ATAD3B: variants seen among roughly 807,000 people sequenced by gnomAD.
ATAD3B encodes ATPase family AAA domain-containing protein 3B.
Under a neutral mutation model 70.2 loss-of-function variants are expected in ATAD3B, and 59 were observed. The observed-to-expected ratio is 0.84, with a 90% CI of 0.68 to 1.04. The LOEUF (loss-of-function observed/expected upper bound fraction) is 1.04. ATAD3B is among the 50% of genes least tolerant of loss of function. The pLI is 0.00. For synonymous variants in ATAD3B, 423 were observed against 388.6 expected (o/e 1.09, Z -1.04); for missense variants, 961 against 913.4 (o/e 1.05, Z -0.67).
Position 1,489,987 on chromosome 1 carries a change from C to T in ATAD3B, c.1338-270C>T, listed in dbSNP as rs1217382679. 11 of 1,313,098 alleles carry T rather than the reference C, an allele frequency of 8.4e-6. No individual in the cohort carries two copies. The South Asian group carries it at 1.5e-4, about 18-fold the overall frequency. The allele number at this position is 1,313,098 out of a possible 1,614,324, so 81.3% of individuals were successfully genotyped here. ...GGAGGGAGTGGTGTTCCCGGCACTG[C>T]CTATCAGGCTGGGCGAGGGTCAGCG... On this transcript the variant is annotated intron_variant, in intron 13 of 15. Transcript: ENST00000673477.
rs566186657 is a variant in ATAD3B at position 1,496,005 on chromosome 1, G to C, written c.*188G>C. 1.5e-4 allele frequency: 198 copies of C among 1,350,714 alleles called. 7 individuals are homozygous for C. Among genetic ancestry groups the C allele is most frequent in the Non-Finnish European group, 1.7e-4 (181 of 1,052,858 alleles). 83.7% of individuals were successfully genotyped at this position (1,350,714 alleles called of 1,614,324 possible). A position where few individuals can be genotyped will look rare whatever the true frequency, so the allele number is the denominator to read the frequency against. ...TGGGGCAGGCGGGGTCTTTGTTCTC[G>C]GCTCCCACAGCAGAGCCAGGTGAGG... On this transcript the variant is annotated 3_prime_UTR_variant, in exon 16 of 16. Coordinates refer to ENST00000673477, the MANE Select transcript of ATAD3B (RefSeq NM_031921.6).
intron 2 of ATAD3B, among the ~76,000 whole-genome samples, chr1:1,477,730 C>T (rs953392740): frequency 8.9e-5 from 13 of 145,726 alleles, no homozygotes; most frequent in African/African-American, 2.7e-4. Flanking sequence ...TATTTTGAAA[C>T]GGAGTCTCAC....
In ATAD3B at chr1:1,478,121, C is replaced by T. The variant is rs186163574; in HGVS notation, c.283-523C>T. ...GGTTCAACCTCCTGCCTCAGCCTTCCGAGCAGCTGGGACTACAGGAGCCTG... is the reference window on the plus strand; with the variant it reads ...GGTTCAACCTCCTGCCTCAGCCTTCTGAGCAGCTGGGACTACAGGAGCCTG... On this transcript the variant is annotated intron_variant, in intron 2 of 15. Transcript: ENST00000673477. 169 of 210,014 alleles carry T rather than the reference C, an allele frequency of 8.0e-4. 3 individuals carry two copies. Among genetic ancestry groups the T allele is most frequent in the Non-Finnish European group, 1.1e-3 (109 of 102,442 alleles). The allele number at this position is 210,014 out of a possible 1,614,324, so 13.0% of individuals were successfully genotyped here.
At chr1:1,486,046 C>A in intron 9 of ATAD3B, 64 bp from the exon 10 acceptor site, 1 of 1,609,954 alleles carries the variant, frequency 6.2e-7, no homozygotes, top group Non-Finnish European at 8.5e-7. Flanking sequence ...ATTCCCGCAG[C>A]CCCTGTCACC....
downstream of ATAD3B, among the ~76,000 whole-genome samples, chr1:1,502,633 T>C (rs1478545086): frequency 2.0e-5 from 3 of 148,396 alleles, no homozygotes; most frequent in East Asian, 6.3e-4. Flanking sequence ...AGCCTCAGCC[T>C]CCCAAGTAGC....
intron 1 of ATAD3B, among the ~76,000 whole-genome samples, chr1:1,476,182 C>T (rs1356403843): frequency 6.8e-6 from 1 of 146,418 alleles, no homozygotes; most frequent in Non-Finnish European, 1.5e-5. Flanking sequence ...GCTACCAAGG[C>T]GCTTCCTGAA....
At chr1:1,503,566 G>C in the ATAD3B span, 1 of 1,605,268 alleles carries the variant, frequency 6.2e-7, no homozygotes, top group Middle Eastern at 1.8e-4. Context: ...CCCGCCCTCT[G>C]TGCCCCTGTG....
At chr1:1,492,294 C>G (rs1416591953) in intron 15 of ATAD3B, among the ~76,000 whole-genome samples, 1 of 151,816 alleles carries the variant, frequency 6.6e-6, no homozygotes, top group Non-Finnish European at 1.5e-5. Context: ...CAAGACCACC[C>G]TGGCCAACAT....
Position 1,486,250 on chromosome 1 carries a change from C to G in ATAD3B, c.1089+15C>G. Reference sequence around the variant, plus strand: ...TGTTTGCCAAGGTGAGAGCGCCTGGCTGAACAGGTGGGCCAGGGGCCGCTG... The same window carrying G: ...TGTTTGCCAAGGTGAGAGCGCCTGGGTGAACAGGTGGGCCAGGGGCCGCTG... On this transcript the variant is annotated intron_variant, in intron 10 of 15. Transcript: ENST00000673477. 6.2e-7 allele frequency: 1 copy of G among 1,612,636 alleles called. No homozygotes were observed. The highest frequency in any genetic ancestry group is 1.1e-5 in the South Asian group (1 of 91,014).
intron 7 of ATAD3B, chr1:1,483,020 G>T (rs749804147): frequency 8.7e-6 from 4 of 457,746 alleles, no homozygotes; most frequent in African/African-American, 2.0e-5. Context: ...ATGGCCAGGC[G>T]GTAGTGGCTC....
chr1:1,487,707 C>T (rs186532722), intron 11 of ATAD3B, among the ~76,000 whole-genome samples, 156 bp from the exon 12 acceptor site: 8 of 151,866 alleles, frequency 5.3e-5, no homozygotes, highest in African/African-American at 1.2e-4. Context: ...CCAGGCTGAT[C>T]GGCTTCTGTC....
Position 1,495,505 on chromosome 1 carries a change from G to C in ATAD3B, c.1635G>C (p.Lys545Asn), listed in dbSNP as rs201403731. Reference protein sequence around the residue: ...VSWQATAYASKDGVLTEAMMD... With the variant: ...VSWQATAYASNDGVLTEAMMD... ...ACTAGGCCACGGCATATGCCTCCAA[G>C]GACGGGGTCCTCACTGAGGCCATGA... is the stretch of plus-strand genomic sequence containing the variant. Residue 545 changes from lysine to asparagine, a missense_variant, in exon 16 of 16, where the codon AAG (lysine) becomes AAC (asparagine). This residue lies in a region of ATAD3B where 417 missense variants were observed against 335.0 expected (regional missense o/e 1.24). Coordinates refer to ENST00000673477, the MANE Select transcript of ATAD3B (RefSeq NM_031921.6). 1.2e-5 allele frequency: 20 copies of C among 1,608,976 alleles called. No individual in the cohort carries two copies. The East Asian group carries it at 3.8e-4, about 31-fold the overall frequency.
intron 1 of ATAD3B, among the ~76,000 whole-genome samples, chr1:1,475,829 TCTC>T (rs201455988): frequency 0.027 from 4,124 of 151,160 alleles, 213 homozygotes; most frequent in African/African-American, 0.094. Context: ...CTCTTTCCCC[TCTC>T]CTCCTCCCCA....
intron 12 of ATAD3B, among the ~76,000 whole-genome samples, chr1:1,488,853 T>G (rs755620754): frequency 2.6e-5 from 4 of 151,862 alleles, no homozygotes; most frequent in Non-Finnish European, 5.9e-5. Context: ...TAAATGTATT[T>G]TTTATTTTTT....
chr1:1,479,814 CCA>C (rs1291737123), intron 4 of ATAD3B, among the ~76,000 whole-genome samples: 2 of 142,462 alleles, frequency 1.4e-5, no homozygotes, highest in African/African-American at 5.3e-5. Context: ...CTCACACAGC[CCA>C]CACACATACC....
chr1:1,478,043 C>G, intron 2 of ATAD3B: 1 of 118,746 alleles, frequency 8.4e-6, no homozygotes. Context: ...ACTCTGTCCC[C>G]CAGTCTGGCG....
chr1:1,477,371 C>G (rs748295232), intron 2 of ATAD3B, 21 bp downstream of exon 2: 1 of 1,611,680 alleles, frequency 6.2e-7, no homozygotes, highest in Non-Finnish European at 8.5e-7. Context: ...CCGGTGTGGG[C>G]GAGGAGGCCG....
chr1:1,477,262 A>G lies in ATAD3B; in HGVS notation c.206-12A>G, dbSNP rs1465076762. The G allele has an allele frequency of 1.2e-6, 2 of 1,612,172 alleles. No homozygotes were observed. The highest frequency in any genetic ancestry group is 1.7e-6 in the Non-Finnish European group (2 of 1,179,538). Reference sequence around the variant, plus strand: ...ATCCTACACCTGCTCTCCGTGCCACATGCGCCCGCAGGTTACGCCAAGGAG... The same window carrying G: ...ATCCTACACCTGCTCTCCGTGCCACGTGCGCCCGCAGGTTACGCCAAGGAG... On this transcript the variant is annotated splice_polypyrimidine_tract_variant and intron_variant, in intron 1 of 15. Coordinates refer to ENST00000673477, the MANE Select transcript of ATAD3B (RefSeq NM_031921.6).
chr1:1,503,454 G>A, the ATAD3B span: 3 of 749,334 alleles, frequency 4.0e-6, no homozygotes, highest in Admixed American at 2.2e-5. Context: ...AGGAGGATGG[G>A]GAGGCAGGGC....
Sources: gnomAD v4.1 joint callset for allele counts (sites outside exome capture counted in the v4.1 genomes callset) on GRCh38, gnomAD v4.1.1 for gene constraint, gnomAD v4.1.1 regional missense constraint, MANE v1.5 for transcripts, NCBI Gene and HGNC (gene_info 2026-07-23, HGNC 2026-07-21) for gene names.